CNTLN: variants seen among roughly 807,000 people sequenced by gnomAD.
The protein encoded by CNTLN is centlein, centrosomal protein.
A neutral mutation model predicts 180.0 loss-of-function variants in CNTLN; 212 were observed. That is an observed-to-expected ratio of 1.18 (90% CI 1.05 to 1.32). CNTLN has a LOEUF of 1.32. CNTLN is among the 40% of genes most tolerant of loss of function. The pLI, the probability that CNTLN is intolerant of heterozygous loss-of-function variation, is 0.00. For missense variants in CNTLN, 2,095 were observed against 1,610.9 expected (o/e 1.30, Z -5.14); for synonymous variants, 722 against 563.1 (o/e 1.28, Z -3.99).
intron 13 of CNTLN, among the ~76,000 whole-genome samples, chr9:17,381,373 A>G (rs1479280205): frequency 1.3e-5 from 2 of 152,258 alleles, no homozygotes; most frequent in Non-Finnish European, 2.9e-5. Flanking sequence ...AAGTGCAGCC[A>G]GCAATAACCA....
chr9:17,316,015 C>T (rs962081521), intron 8 of CNTLN, among the ~76,000 whole-genome samples: 2 of 151,864 alleles, frequency 1.3e-5, no homozygotes, highest in Middle Eastern at 3.2e-3. Context: ...TCTTCTGTTT[C>T]CATGCTGATC....
intron 6 of CNTLN, among the ~76,000 whole-genome samples, chr9:17,290,268 A>G (rs544907103): frequency 9.7e-4 from 148 of 151,936 alleles, no homozygotes; most frequent in Admixed American, 4.6e-4. Flanking sequence ...ATACCCTGCC[A>G]TGTGAGGTGT....
chr9:17,451,552 C>T (rs2593397), intron 18 of CNTLN, among the ~76,000 whole-genome samples: 132,643 of 152,170 alleles, frequency 0.87, 58,074 homozygotes, highest in Non-Finnish European at 0.91. Flanking sequence ...AAAGAAAACT[C>T]GGAGAGTACA....
At chr9:17,438,302 T>C (rs758523777) in intron 18 of CNTLN, among the ~76,000 whole-genome samples, 3 of 152,018 alleles carry the variant, frequency 2.0e-5, no homozygotes, top group Non-Finnish European at 4.4e-5. Flanking sequence ...AAAAGATGAT[T>C]AGGAAGAGAT....
chr9:17,302,003 A>G (rs747645486), intron 7 of CNTLN: 30 of 980,820 alleles, frequency 3.1e-5, no homozygotes, highest in African/African-American at 3.5e-5. Flanking sequence ...TATTTGTTTT[A>G]CTATTGTAAA....
intron 2 of CNTLN, among the ~76,000 whole-genome samples, chr9:17,178,514 G>T (rs577041336): frequency 6.6e-6 from 1 of 152,150 alleles, no homozygotes; most frequent in African/African-American, 2.4e-5. Context: ...AGCAGGGCGG[G>T]GGCGGGGGGT....
chr9:17,165,872 C>T (rs1028781291), intron 2 of CNTLN, among the ~76,000 whole-genome samples: 1 of 152,204 alleles, frequency 6.6e-6, no homozygotes, highest in Non-Finnish European at 1.5e-5. Flanking sequence ...AGAGAAACAA[C>T]AGAGACACAC....
intron 2 of CNTLN, chr9:17,168,085 A>G (rs941940136): frequency 6.6e-5 from 10 of 152,190 alleles, no homozygotes; most frequent in Non-Finnish European, 1.5e-4. Context: ...AATGTATATA[A>G]TAGTTTTTGC....
At chr9:17,203,859 G>A in intron 2 of CNTLN, among the ~76,000 whole-genome samples, 1 of 152,096 alleles carries the variant, frequency 6.6e-6, no homozygotes, top group East Asian at 1.9e-4. Context: ...ACCCGGCCAA[G>A]ATTAATTCTT....
chr9:17,391,076 C>A (rs927593535), intron 14 of CNTLN, among the ~76,000 whole-genome samples: 3 of 151,920 alleles, frequency 2.0e-5, no homozygotes, highest in African/African-American at 7.3e-5. Context: ...AAACAAAGAC[C>A]CAGAGAAAAC....
chr9:17,312,347 A>ATATATATATATATAT (rs1819196211), intron 8 of CNTLN, among the ~76,000 whole-genome samples: 3 of 14,572 alleles, frequency 2.1e-4, no homozygotes, highest in African/African-American at 4.6e-4. Context: ...CTGTATTTAT[A>ATATATATATATATAT]TATATATATA....
intron 6 of CNTLN, among the ~76,000 whole-genome samples, chr9:17,295,801 G>C (rs1817859313): frequency 6.6e-6 from 1 of 152,090 alleles, no homozygotes; most frequent in African/African-American, 2.4e-5. Context: ...GTTGTGTGGG[G>C]CGATAGAAAT....
At chr9:17,157,869 G>T (rs1819408662) in intron 2 of CNTLN, among the ~76,000 whole-genome samples, 1 of 152,142 alleles carries the variant, frequency 6.6e-6, no homozygotes, top group Non-Finnish European at 1.5e-5. Context: ...TGTCCACATG[G>T]GTAGCTGAGA....
chr9:17,301,452 G>A (rs562175955), intron 7 of CNTLN: 3 of 985,304 alleles, frequency 3.0e-6, no homozygotes, highest in South Asian at 9.4e-5. Flanking sequence ...CTAATAATTG[G>A]CTTACTTTTC....
chr9:17,519,842 C>G, the CNTLN span, among the ~76,000 whole-genome samples: 2 of 152,160 alleles, frequency 1.3e-5, no homozygotes, highest in Admixed American at 6.5e-5. Context: ...CATTAGGTGT[C>G]AGTAGAGTTT....
chr9:17,290,697 G>A (rs1376817984), intron 6 of CNTLN, among the ~76,000 whole-genome samples: 2 of 150,838 alleles, frequency 1.3e-5, no homozygotes, highest in Non-Finnish European at 3.0e-5. Flanking sequence ...CCAGGTGTGG[G>A]ATATAATCTC....
At position 17,399,952 on chromosome 9, in the gene CNTLN, C is replaced by A. The variant is rs182240502; in HGVS notation, c.2615+4883C>A. On this transcript the variant is annotated intron_variant, in intron 15 of 25. Transcript: ENST00000380647. Reference sequence around the variant, plus strand: ...CCATGACTTTCTATTTTTCATCAAACCTCGCATGTAACCGTTTCTTCGGGT... The same window carrying A: ...CCATGACTTTCTATTTTTCATCAAAACTCGCATGTAACCGTTTCTTCGGGT... 2.0e-3 allele frequency among the ~76,000 whole-genome samples: 305 copies of A among 152,296 alleles called. 1 individual carries two copies. The highest frequency in any genetic ancestry group is 7.1e-3 in the African/African-American group (294 of 41,574).
chr9:17,158,360 A>C (rs902698264), intron 2 of CNTLN, among the ~76,000 whole-genome samples: 2 of 151,950 alleles, frequency 1.3e-5, no homozygotes, highest in Non-Finnish European at 2.9e-5. Context: ...CTTTTCTTGT[A>C]ATGTCTTTGC....
the CNTLN span, among the ~76,000 whole-genome samples, chr9:17,525,460 A>G: frequency 6.6e-6 from 1 of 152,216 alleles, no homozygotes; most frequent in African/African-American, 2.4e-5. Context: ...GAGTTTTTAA[A>G]AACTGGTTTA....
Sources: allele counts gnomAD v4.1 joint callset (sites outside exome capture counted in the v4.1 genomes callset), GRCh38; gene constraint gnomAD v4.1.1; transcripts MANE v1.5; gene names NCBI Gene and HGNC (gene_info 2026-07-23, HGNC 2026-07-21).